Variants in HECTD4 observed in about 807,000 individuals in gnomAD.
The protein encoded by HECTD4 is HECT domain E3 ubiquitin protein ligase 4.
A neutral mutation model predicts 471.5 loss-of-function variants in HECTD4; 114 were observed. That is an observed-to-expected ratio of 0.24 (90% CI 0.21 to 0.28). HECTD4 has a LOEUF of 0.28. HECTD4 is among the 10% of genes least tolerant of loss of function. The pLI is 1.00. For synonymous variants in HECTD4, 2,012 were observed against 2,256.0 expected (o/e 0.89, Z 3.07); for missense variants, 3,866 against 5,651.5 (o/e 0.68, Z 10.13).
At position 112,162,668 on chromosome 12, in the gene HECTD4, T is replaced by C. The variant is rs1593880698; in HGVS notation, c.13121-145A>G. 2.2e-6 allele frequency: 2 copies of C among 909,214 alleles called. No homozygotes were observed. Among genetic ancestry groups the C allele is most frequent in the East Asian group, 5.3e-5 (2 of 37,892 alleles). 56.3% of individuals were successfully genotyped at this position (909,214 alleles called of 1,614,324 possible). A position where few individuals can be genotyped will look rare whatever the true frequency, so the allele number is the denominator to read the frequency against. ...GCCCAGCAGGAGGGGGATGAGGGCCTGGGAACCTGCGAGATGTTCTTGGAG... is the reference window on the plus strand; with the variant it reads ...GCCCAGCAGGAGGGGGATGAGGGCCCGGGAACCTGCGAGATGTTCTTGGAG... On this transcript the variant is annotated intron_variant, in intron 75 of 75. Transcript: ENST00000682272. This position sits in a 1 kb window ranked among gnomAD's most constrained non-coding sequence, Gnocchi z 5.2.
In HECTD4 at chr12:112,324,029, C is replaced by G. The variant is rs868139141; in HGVS notation, c.178-4287G>C. ...TCCTTCCTTCCTTCCTTCCTTCCTT[C>G]CTTCCTTCCTTCCTTCCTTTCTTTC... On this transcript the variant is annotated intron_variant, in intron 1 of 75. Transcript: ENST00000682272. 7.6e-5 allele frequency among the ~76,000 whole-genome samples: 2 copies of G among 26,338 alleles called. 1 individual carries two copies. The highest frequency in any genetic ancestry group is 1.1e-4 in the Non-Finnish European group (2 of 17,652). The allele number at this position is 26,338 out of a possible 152,430, so 17.3% of individuals were successfully genotyped here.
intron 37 of HECTD4, among the ~76,000 whole-genome samples, chr12:112,233,535 C>A (rs1389610680): frequency 6.6e-6 from 1 of 151,898 alleles, no homozygotes; most frequent in African/African-American, 2.4e-5. Flanking sequence ...CTAACACTAG[C>A]TTTTAAAATC....
At chr12:112,324,041 CCTTCCTTTCTTTCTTTCTTTCTTTCTTT>C (rs2035675970) in intron 1 of HECTD4, among the ~76,000 whole-genome samples, 1 of 17,588 alleles carries the variant, frequency 5.7e-5, no homozygotes, top group Admixed American at 6.5e-4. Context: ...TTCCTTCCTT[CCTTCCTTTCTTTCTTTCTTTCTTTCTTT>C]CTTTCTTTCT....
chr12:112,163,200 G>A lies in HECTD4; in HGVS notation c.12962C>T (p.Ala4321Val), dbSNP rs773337237. The change falls in exon 75 of 76, where the codon GCC (alanine) becomes GTC (valine). Residue 4321 changes from alanine to valine, a missense_variant. Physicochemically the swap from Ala to Val is moderately conservative, Grantham distance 64 (BLOSUM62 0). Transcript: ENST00000682272. The surrounding 1 kb of genome is among the most constrained non-coding windows in gnomAD (Gnocchi z 8.2). ...TDQHIEFFWG[A>V]LEMFTQEELC... ...CTCCTCCTGGGTGAACATCTCCAGG[G>A]CCCCCCAGAAGAACTCGATGTGCTG... 4.3e-6 allele frequency: 7 copies of A among 1,613,916 alleles called. No individual in the cohort carries two copies. Among genetic ancestry groups the A allele is most frequent in the Non-Finnish European group, 5.1e-6 (6 of 1,179,842 alleles).
In HECTD4 at chr12:112,235,600, C is replaced by T; in HGVS notation, c.5629G>A (p.Val1877Ile). 1 of 1,614,022 alleles carries T rather than the reference C, an allele frequency of 6.2e-7. No individual in the cohort carries two copies. The highest frequency in any genetic ancestry group is 1.1e-5 in the South Asian group (1 of 91,086). Residue 1877 changes from valine to isoleucine, a missense_variant, in exon 36 of 76, where the codon GTC becomes ATC. Physicochemically the swap from Val to Ile is conservative, Grantham distance 29. Transcript: ENST00000682272. The surrounding 1 kb of genome is among the most constrained non-coding windows in gnomAD (Gnocchi z 5.0). ...NVELPPWSYS[V>I]PSLNSEQEDP... Reference sequence around the variant, plus strand: ...TCCTGCTCACTGTTTAAGGAGGGGACAGAGTAGCTCCAGGGTGGGAGCTCC... The same window carrying T: ...TCCTGCTCACTGTTTAAGGAGGGGATAGAGTAGCTCCAGGGTGGGAGCTCC...
At chr12:112,217,318 TACACACACACACACACATACAC>T (rs1479237368) in intron 45 of HECTD4, 123 bp from the exon 46 acceptor site, 24 of 470,656 alleles carry the variant, frequency 5.1e-5, no homozygotes, top group African/African-American at 3.3e-4. Flanking sequence ...CACACACACA[TACACACACACACACACATACAC>T]ACACACACAC....
Position 112,312,940 on chromosome 12 carries a change from T to C in HECTD4, c.916+77A>G, listed in dbSNP as rs912904371. ...AAAGGAACATACAGAGTTATAGCCATATCATTTGCTACAGTGATCTAAAAC... is the reference window on the plus strand; with the variant it reads ...AAAGGAACATACAGAGTTATAGCCACATCATTTGCTACAGTGATCTAAAAC... On this transcript the variant is annotated intron_variant, in intron 4 of 75. Coordinates refer to ENST00000682272, the MANE Select transcript of HECTD4 (RefSeq NM_001388303.1). The C allele has an allele frequency of 4.6e-5, 54 of 1,162,510 alleles. No individual in the cohort carries two copies. The South Asian group carries it at 7.0e-4, about 15-fold the overall frequency. 72.0% of individuals were successfully genotyped at this position (1,162,510 alleles called of 1,614,324 possible).
chr12:112,223,954 G>T (rs925258613), intron 44 of HECTD4, among the ~76,000 whole-genome samples: 35 of 151,986 alleles, frequency 2.3e-4, no homozygotes, highest in Admixed American at 6.6e-5. Flanking sequence ...ATACATTATT[G>T]CTTATAAATT....
Position 112,216,793 on chromosome 12 carries a change from C to T in HECTD4, c.7365G>A (p.Val2455=), listed in dbSNP as rs1443117459. The T allele has an allele frequency of 6.2e-7, 1 of 1,613,878 alleles. No homozygotes were observed. The highest frequency in any genetic ancestry group is 1.7e-5 in the Admixed American group (1 of 60,002). Residue 2455 remains valine (V), a synonymous_variant, in exon 47 of 76, where the codon GTG becomes GTA. Coordinates refer to ENST00000682272, the MANE Select transcript of HECTD4 (RefSeq NM_001388303.1). ...CTTACTTATGGAAAAGACAAGTGCCCACTGGATTAGTCCAAGCCCCATCTC... is the reference window on the plus strand; with the variant it reads ...CTTACTTATGGAAAAGACAAGTGCCTACTGGATTAGTCCAAGCCCCATCTC... ...EKRDGAWTNP[V]GTCLFHNNGR... is the part of the protein sequence containing the mutation.
chr12:112,167,819 T>G lies in HECTD4; in HGVS notation c.12307A>C (p.Asn4103His). Residue 4103 changes from asparagine to histidine, a missense_variant, in exon 71 of 76, where the codon AAC (asparagine) becomes CAC (histidine). Around this residue, in one of 16 missense-constraint regions of HECTD4, gnomAD observed 715 missense variants for 1,087.6 expected, o/e 0.66. Transcript: ENST00000682272. The stretch of plus-strand genomic sequence containing the variant: ...TCCTCCCGGCCTCTGCCTACCTTGT[T>G]CTTATTGACAGCTGAGCTGGGGCAC... ...LLCPSSAVNKNKGKYILTPSP... is the reference protein window; with the variant it reads ...LLCPSSAVNKHKGKYILTPSP... The G allele has an allele frequency of 6.2e-7, 1 of 1,613,456 alleles. No homozygotes were observed. The highest frequency in any genetic ancestry group is 8.5e-7 in the Non-Finnish European group (1 of 1,179,608).
chr12:112,266,053 A>G, intron 14 of HECTD4, 70 bp from the exon 15 acceptor site: 2 of 1,125,332 alleles, frequency 1.8e-6, no homozygotes, highest in Admixed American at 2.2e-5. Context: ...ATTTTTAAAA[A>G]GTTTTTAAAC....
chr12:112,187,820 G>T (rs142097334), intron 60 of HECTD4, among the ~76,000 whole-genome samples: 1 of 148,074 alleles, frequency 6.8e-6, no homozygotes, highest in Non-Finnish European at 1.5e-5. Flanking sequence ...TAGAGACACG[G>T]TTTCACTGTG....
Position 112,192,697 on chromosome 12 carries a change from T to C in HECTD4, c.9155A>G (p.Asn3052Ser), listed in dbSNP as rs778626697. ...GGCCTCGATGAGGTTCAGCTGGCCA[T>C]TTCGCTTCACTTTGTGGCCGAGGCC... ...VYGLGHKVKR[N>S]GQLNLIEAAC... is the part of the protein sequence containing the mutation. Residue 3052 changes from asparagine to serine, a missense_variant, in exon 59 of 76, where the codon AAT (asparagine) becomes AGT (serine). Coordinates refer to ENST00000682272, the MANE Select transcript of HECTD4 (RefSeq NM_001388303.1). The C allele has an allele frequency of 3.1e-6, 5 of 1,601,618 alleles. 1 individual carries two copies. In the East Asian group the frequency reaches 1.1e-4, roughly 36 times the overall value.
At chr12:112,363,803 C>G (rs1033708846) in intron 1 of HECTD4, among the ~76,000 whole-genome samples, 1 of 151,250 alleles carries the variant, frequency 6.6e-6, no homozygotes, top group African/African-American at 2.4e-5. Flanking sequence ...GGTGAAACCC[C>G]ATCTCTACTA....
chr12:112,223,990 A>G (rs1325381986), intron 44 of HECTD4, among the ~76,000 whole-genome samples: 4 of 152,174 alleles, frequency 2.6e-5, no homozygotes, highest in African/African-American at 4.8e-5. Flanking sequence ...ATATAAAGTA[A>G]AAAATTTTAA....
At chr12:112,359,442 C>T (rs540984431) in intron 1 of HECTD4, among the ~76,000 whole-genome samples, 17 of 152,102 alleles carry the variant, frequency 1.1e-4, no homozygotes, top group African/African-American at 4.1e-4. Context: ...ATTTTTGAGA[C>T]GGAGTCTCAC....
intron 1 of HECTD4, among the ~76,000 whole-genome samples, chr12:112,375,824 T>C (rs1394245180): frequency 6.6e-6 from 1 of 151,970 alleles, no homozygotes; most frequent in Non-Finnish European, 1.5e-5. Flanking sequence ...ATCCCAAAAC[T>C]TTGAGAGGTA....
intron 1 of HECTD4, among the ~76,000 whole-genome samples, chr12:112,363,146 T>C (rs1419173455): frequency 6.6e-6 from 1 of 152,190 alleles, no homozygotes; most frequent in African/African-American, 2.4e-5. Flanking sequence ...TTATATTAAA[T>C]CTTAAAACTT....
chr12:112,300,470 A>C (rs1044706085), intron 7 of HECTD4, among the ~76,000 whole-genome samples: 2 of 152,118 alleles, frequency 1.3e-5, no homozygotes, highest in African/African-American at 4.8e-5. Flanking sequence ...CATTTCTGGA[A>C]GCTTTAGAAT....
Sources: gnomAD v4.1 joint callset for allele counts (sites outside exome capture counted in the v4.1 genomes callset) on GRCh38, gnomAD v4.1.1 for gene constraint, gnomAD v4.1.1 regional missense constraint, Gnocchi (gnomAD v3.1) non-coding constraint, MANE v1.5 for transcripts, NCBI Gene and HGNC (gene_info 2026-07-23, HGNC 2026-07-21) for gene names.